Variants in PINX1 observed in about 807,000 individuals in gnomAD.
PINX1 encodes PIN2 (TERF1) interacting telomerase inhibitor 1.
In PINX1, 34 loss-of-function variants were observed where a neutral mutation model predicts 25.4. That is an observed-to-expected ratio of 1.34 (90% CI 1.02 to 1.78). The LOEUF (loss-of-function observed/expected upper bound fraction) is 1.78. Ranked by LOEUF, PINX1 falls within the 40% of genes most tolerant of loss-of-function variation. PINX1 has a pLI of 0.00. For synonymous variants in PINX1, 197 were observed against 147.7 expected (o/e 1.33, Z -2.42); for missense variants, 592 against 404.9 (o/e 1.46, Z -3.97).
At chr8:10,825,332 T>G (rs1180906645) in intron 5 of PINX1, 1 of 534,502 alleles carries the variant, frequency 1.9e-6, no homozygotes, top group African/African-American at 1.9e-5. Context: ...TAGAAACACA[T>G]CCAACCTCCC....
At chr8:10,810,572 G>A (rs1254131873) in intron 6 of PINX1, among the ~76,000 whole-genome samples, 2 of 152,074 alleles carry the variant, frequency 1.3e-5, no homozygotes, top group African/African-American at 4.8e-5. Flanking sequence ...TCCATGCCAG[G>A]CATAATTCTA....
chr8:10,833,044 C>T, intron 2 of PINX1, 60 bp from the exon 3 acceptor site: 1 of 1,051,066 alleles, frequency 9.5e-7, no homozygotes, highest in Non-Finnish European at 1.4e-6. Context: ...AGAAGCAGAG[C>T]ACTGCTACAA....
chr8:10,831,978 A>G (rs1256588998), intron 3 of PINX1, among the ~76,000 whole-genome samples: 2 of 152,240 alleles, frequency 1.3e-5, no homozygotes, highest in Non-Finnish European at 2.9e-5. Flanking sequence ...CTGATTTCAA[A>G]TGTGAATGAC....
chr8:10,788,823 TG>T (rs1235647341), intron 6 of PINX1, among the ~76,000 whole-genome samples: 4 of 152,144 alleles, frequency 2.6e-5, no homozygotes, highest in Admixed American at 2.6e-4. Flanking sequence ...AGCAAAGCGG[TG>T]GGTTTCCCTT....
In PINX1 at chr8:10,839,863, G is replaced by C. The variant is rs369764276; in HGVS notation, c.-107C>G. ...GACGTGCGTAACTCCCTCGCCGGCG[G>C]ACTGCAGCGGACGGGGCGCGTGCTG... On this transcript the variant is annotated 5_prime_UTR_variant, in exon 1 of 7. Transcript: ENST00000314787. 9.2e-7 allele frequency: 1 copy of C among 1,081,798 alleles called. No individual in the cohort carries two copies. Among genetic ancestry groups the C allele is most frequent in the South Asian group, 1.5e-5 (1 of 64,724 alleles). 67.0% of individuals were successfully genotyped at this position (1,081,798 alleles called of 1,614,324 possible).
chr8:10,815,143 T>G (rs1221884900), intron 6 of PINX1, among the ~76,000 whole-genome samples: 1 of 152,166 alleles, frequency 6.6e-6, no homozygotes. Flanking sequence ...TGTCTCACTA[T>G]GTTGCCCAGG....
At chr8:10,781,025 G>A (rs527499190) in intron 6 of PINX1, among the ~76,000 whole-genome samples, 25 of 152,232 alleles carry the variant, frequency 1.6e-4, no homozygotes, top group Non-Finnish European at 3.4e-4. Context: ...AATGGAACAG[G>A]TTAGAGAACT....
intron 4 of PINX1, among the ~76,000 whole-genome samples, chr8:10,830,668 T>C (rs1798201829): frequency 6.6e-6 from 1 of 152,212 alleles, no homozygotes; most frequent in African/African-American, 2.4e-5. Context: ...GCAAAGTACT[T>C]AGACACTTCT....
intron 2 of PINX1, 82 bp from the exon 3 acceptor site, chr8:10,833,066 G>T: frequency 1.2e-6 from 1 of 801,040 alleles, no homozygotes; most frequent in Non-Finnish European, 2.0e-6. Context: ...ACTCACAGAT[G>T]CCTACGGCAG....
At chr8:10,774,223 A>G (rs1410033334) in intron 6 of PINX1, among the ~76,000 whole-genome samples, 1 of 152,216 alleles carries the variant, frequency 6.6e-6, no homozygotes, top group East Asian at 1.9e-4. Flanking sequence ...TATAGAAAGC[A>G]CAGCAGTTCT....
chr8:10,820,276 A>T lies in PINX1; in HGVS notation c.395-7T>A. 4 of 1,595,806 alleles carry T rather than the reference A, an allele frequency of 2.5e-6. No homozygotes were observed. Among genetic ancestry groups the T allele is most frequent in the African/African-American group, 2.7e-5 (2 of 74,666 alleles). ...CGAGATGACAGATCCTTCCCTAGAA[A>T]AACAATGTGATGCTTTTCAGTAAGA... On this transcript the variant is annotated splice_polypyrimidine_tract_variant and splice_region_variant and intron_variant, in intron 5 of 6. Transcript: ENST00000314787.
chr8:10,805,668 G>C (rs1802424429), intron 6 of PINX1, among the ~76,000 whole-genome samples: 2 of 86,224 alleles, frequency 2.3e-5, no homozygotes, highest in Admixed American at 1.1e-4. Context: ...GGGTGACGGA[G>C]CACAGGAAGG....
intron 6 of PINX1, among the ~76,000 whole-genome samples, chr8:10,784,158 A>G (rs1049831749): frequency 6.6e-6 from 1 of 152,262 alleles, no homozygotes; most frequent in Non-Finnish European, 1.5e-5. Context: ...TTCTGCCTGT[A>G]TAATAACACA....
intron 6 of PINX1, among the ~76,000 whole-genome samples, chr8:10,776,183 T>C (rs1384475347): frequency 6.6e-6 from 1 of 152,120 alleles, no homozygotes; most frequent in African/African-American, 2.4e-5. Context: ...CCCAGCACTT[T>C]GGGAGGCCGA....
chr8:10,782,556 T>C (rs942957915), intron 6 of PINX1, among the ~76,000 whole-genome samples: 1 of 151,806 alleles, frequency 6.6e-6, no homozygotes, highest in Admixed American at 6.6e-5. Flanking sequence ...GCCAATATGC[T>C]GAAACCCCGT....
At chr8:10,797,753 C>T (rs1159036639) in intron 6 of PINX1, among the ~76,000 whole-genome samples, 2 of 152,144 alleles carry the variant, frequency 1.3e-5, no homozygotes, top group East Asian at 1.9e-4. Flanking sequence ...AAGAAAACAG[C>T]TTATTTTCAG....
chr8:10,793,261 G>A (rs1055007115), intron 6 of PINX1, among the ~76,000 whole-genome samples: 2 of 152,074 alleles, frequency 1.3e-5, no homozygotes, highest in Admixed American at 1.3e-4. Context: ...CAATTAACTG[G>A]TCTACAAACC....
At position 10,834,849 on chromosome 8, in the gene PINX1, C is replaced by G. The variant is rs1549796; in HGVS notation, c.20-74G>C. The stretch of plus-strand genomic sequence containing the variant: ...AATACCACACAAACATACACATGCA[C>G]AACTTTGTGTATTTTATGTATGTAT... On this transcript the variant is annotated intron_variant, in intron 1 of 6. Coordinates refer to ENST00000314787, the MANE Select transcript of PINX1 (RefSeq NM_017884.6). 3.2e-6 allele frequency: 3 copies of G among 949,014 alleles called. No homozygotes were observed. In the East Asian group the frequency reaches 7.4e-5, roughly 23 times the overall value. The allele number at this position is 949,014 out of a possible 1,614,324, so 58.8% of individuals were successfully genotyped here.
At chr8:10,772,893 T>C (rs1801273279) in intron 6 of PINX1, among the ~76,000 whole-genome samples, 1 of 151,910 alleles carries the variant, frequency 6.6e-6, no homozygotes, top group Admixed American at 6.6e-5. Context: ...GAACAGAGAC[T>C]GGTGAACTAT....
Sources: allele counts gnomAD v4.1 joint callset (sites outside exome capture counted in the v4.1 genomes callset), GRCh38; gene constraint gnomAD v4.1.1; transcripts MANE v1.5; gene names NCBI Gene and HGNC (gene_info 2026-07-23, HGNC 2026-07-21).